Variants in MROH9 observed in about 807,000 individuals in gnomAD.
MROH9 encodes maestro heat like repeat family member 9.
MROH9 carries 92 observed loss-of-function variants against 98.2 expected under a neutral mutation model. That is an observed-to-expected ratio of 0.94 (90% CI 0.79 to 1.11). The LOEUF is 1.11. MROH9 is among the 50% of genes most tolerant of loss of function. The probability of loss-of-function intolerance (pLI) is 0.00; values close to 1 mark genes in which losing one functional copy is unlikely to be tolerated. For synonymous variants in MROH9, 397 were observed against 368.9 expected (o/e 1.08, Z -0.87); for missense variants, 1,057 against 1,014.8 (o/e 1.04, Z -0.57).
At chr1:170,980,164 A>G (rs1203764183) in intron 8 of MROH9, among the ~76,000 whole-genome samples, 1 of 152,192 alleles carries the variant, frequency 6.6e-6, no homozygotes, top group African/African-American at 2.4e-5. Context: ...CATACTGCCT[A>G]AAGTAATTTA....
At chr1:170,969,574 T>C (rs1185313625) in intron 7 of MROH9, among the ~76,000 whole-genome samples, 1 of 152,028 alleles carries the variant, frequency 6.6e-6, no homozygotes, top group Non-Finnish European at 1.5e-5. Flanking sequence ...GAAGCAAAGG[T>C]GCATTGTTTA....
At position 171,033,539 on chromosome 1, in the gene MROH9, G is replaced by A. The variant is rs535571284; in HGVS notation, c.2281+8119G>A. On this transcript the variant is annotated intron_variant, in intron 20 of 21. Transcript: ENST00000367759. ...GCCCCGTGTGGCTCTCAGGCCGGTC[G>A]CCACGCCACACTGTTCTTCCTTCTC... Among the ~76,000 whole-genome samples, 92 of 151,980 alleles carry A rather than the reference G, an allele frequency of 6.1e-4. 1 individual carries two copies. Among genetic ancestry groups the A allele is most frequent in the African/African-American group, 2.1e-3 (87 of 41,472 alleles).
At chr1:171,015,060 T>A (rs759191728) in intron 16 of MROH9, 1 of 471,688 alleles carries the variant, frequency 2.1e-6, no homozygotes, top group African/African-American at 2.0e-5. Context: ...CACTCCAAAG[T>A]ATCTTGCAAA....
intron 6 of MROH9, among the ~76,000 whole-genome samples, chr1:170,962,897 C>G (rs1650072305): frequency 6.6e-6 from 1 of 151,936 alleles, no homozygotes; most frequent in Non-Finnish European, 1.5e-5. Context: ...TTATGCAATA[C>G]CATTCTGGAC....
At chr1:170,996,921 TA>T (rs1227584359) in intron 14 of MROH9, among the ~76,000 whole-genome samples, 2 of 152,112 alleles carry the variant, frequency 1.3e-5, no homozygotes, top group African/African-American at 2.4e-5. Context: ...TACAGAAAAC[TA>T]GAAGTGAGTT....
chr1:170,973,224 A>G (rs2101787541), intron 8 of MROH9, among the ~76,000 whole-genome samples: 1 of 152,308 alleles, frequency 6.6e-6, no homozygotes, highest in South Asian at 2.1e-4. Flanking sequence ...ACATGCATGC[A>G]AGTAAACTGC....
At chr1:171,032,014 T>C (rs774547703) in intron 20 of MROH9, among the ~76,000 whole-genome samples, 2 of 152,178 alleles carry the variant, frequency 1.3e-5, no homozygotes, top group Non-Finnish European at 2.9e-5. Context: ...CTGCATGCCT[T>C]ATTTCAGTAA....
intron 1 of MROH9, among the ~76,000 whole-genome samples, chr1:170,944,385 C>T (rs1448841521): frequency 6.6e-6 from 1 of 151,470 alleles, no homozygotes; most frequent in African/African-American, 2.4e-5. Flanking sequence ...TTAAAGGTAA[C>T]AACAACAACA....
At chr1:171,043,837 T>C (rs1213627157) in intron 20 of MROH9, among the ~76,000 whole-genome samples, 1 of 152,186 alleles carries the variant, frequency 6.6e-6, no homozygotes, top group East Asian at 1.9e-4. Flanking sequence ...TTTACAACTT[T>C]ACTGGATTAT....
intron 16 of MROH9, chr1:171,014,921 C>G (rs1025286880): frequency 8.6e-6 from 4 of 467,620 alleles, no homozygotes; most frequent in African/African-American, 8.0e-5. Flanking sequence ...TTTAAAGGTC[C>G]TCCAGGTGAC....
chr1:170,980,925 A>G (rs1481586470), intron 8 of MROH9, among the ~76,000 whole-genome samples: 8 of 152,224 alleles, frequency 5.3e-5, no homozygotes, highest in Non-Finnish European at 8.8e-5. Context: ...ATTTACAAGA[A>G]AAAAACAAAC....
At chr1:170,956,298 G>A (rs1314208888) in intron 3 of MROH9, among the ~76,000 whole-genome samples, 1 of 151,872 alleles carries the variant, frequency 6.6e-6, no homozygotes, top group Non-Finnish European at 1.5e-5. Flanking sequence ...TGGCTATGTG[G>A]GCTCTTTTTT....
rs190394602 is a variant in MROH9, at chr1:170,954,033, G to A, written c.73-4428G>A. Among the ~76,000 whole-genome samples the A allele has an allele frequency of 2.6e-5, 4 of 152,104 alleles. No homozygotes were observed. The East Asian group carries it at 7.7e-4, about 29-fold the overall frequency. ...TACATTGTTTTGTGATATCCGTTAT[G>A]ACTGATGAAAACATGATGGTGGTCT... On this transcript the variant is annotated intron_variant, in intron 3 of 21. Coordinates refer to ENST00000367759, the MANE Select transcript of MROH9 (RefSeq NM_001163629.2).
chr1:171,043,800 CTGATTTTCGTATGT>C (rs1460241408), intron 20 of MROH9, among the ~76,000 whole-genome samples: 8 of 152,146 alleles, frequency 5.3e-5, no homozygotes, highest in Non-Finnish European at 1.2e-4. Flanking sequence ...AGAAATGCTA[CTGATTTTCGTATGT>C]TGATTTTTGT....
At position 171,064,592 on chromosome 1, in the gene MROH9, A is replaced by C; in HGVS notation, c.*252A>C. 2.8e-6 allele frequency: 1 copy of C among 355,322 alleles called. No homozygotes were observed. The allele number at this position is 355,322 out of a possible 1,614,324, so 22.0% of individuals were successfully genotyped here. A position where few individuals can be genotyped will look rare whatever the true frequency, so the allele number is the denominator to read the frequency against. ...GAAGCCCTATTTCATCAAAACCACT[A>C]AGACAATTGAAAATAACATAAGCAA... is the stretch of plus-strand genomic sequence containing the variant. On this transcript the variant is annotated 3_prime_UTR_variant, in exon 22 of 22. Coordinates refer to ENST00000367759, the MANE Select transcript of MROH9 (RefSeq NM_001163629.2).
chr1:171,056,349 G>A (rs529667937), intron 20 of MROH9, among the ~76,000 whole-genome samples: 7 of 152,144 alleles, frequency 4.6e-5, no homozygotes, highest in Non-Finnish European at 8.8e-5. Context: ...GTCCCCAACA[G>A]CCCAACATAC....
chr1:170,970,247 T>A (rs1488315485), intron 7 of MROH9, among the ~76,000 whole-genome samples: 10 of 152,082 alleles, frequency 6.6e-5, no homozygotes, highest in African/African-American at 2.2e-4. Flanking sequence ...GTAAGGCCAA[T>A]CCCCTGTAAG....
At chr1:170,970,731 TGAGAGAGAGA>T (rs1199063303) in intron 7 of MROH9, among the ~76,000 whole-genome samples, 129 of 90,870 alleles carry the variant, frequency 1.4e-3, no homozygotes, top group Non-Finnish European at 1.9e-3. Flanking sequence ...TGTGTGTGTG[TGAGAGAGAGA>T]GAGAGAGAGA....
intron 20 of MROH9, among the ~76,000 whole-genome samples, chr1:171,033,331 C>G (rs911068253): frequency 1.3e-5 from 2 of 152,248 alleles, no homozygotes; most frequent in African/African-American, 2.4e-5. Flanking sequence ...TAAGCCGATT[C>G]CAGATGAGAG....
Sources: gnomAD v4.1 joint callset for allele counts (sites outside exome capture counted in the v4.1 genomes callset) on GRCh38, gnomAD v4.1.1 for gene constraint, MANE v1.5 for transcripts, NCBI Gene and HGNC (gene_info 2026-07-23, HGNC 2026-07-21) for gene names.